DPP10: variants seen among roughly 807,000 people sequenced by gnomAD.
DPP10 encodes dipeptidyl peptidase like 10, also known as inactive dipeptidyl peptidase 10.
DPP10 carries 33 observed loss-of-function variants against 120.9 expected under a neutral mutation model. The observed-to-expected ratio is 0.27, with a 90% CI of 0.21 to 0.37. DPP10 has a LOEUF of 0.37. Among genes scored for constraint, DPP10 ranks in the 10% least tolerant of loss-of-function variants. The probability of loss-of-function intolerance (pLI) is 1.00; values close to 1 mark genes in which losing one functional copy is unlikely to be tolerated. For synonymous variants in DPP10, 337 were observed against 326.1 expected (o/e 1.03, Z -0.36); for missense variants, 816 against 942.8 (o/e 0.87, Z 1.76).
chr2:114,689,853 A>G (rs1176031222), intron 1 of DPP10, among the ~76,000 whole-genome samples: 2 of 150,478 alleles, frequency 1.3e-5, no homozygotes, highest in East Asian at 3.9e-4. Context: ...TTTTTTTCAT[A>G]TGTTGGTTGG....
chr2:115,817,097 A>C (rs1239211092), intron 21 of DPP10, among the ~76,000 whole-genome samples: 1 of 151,508 alleles, frequency 6.6e-6, no homozygotes, highest in African/African-American at 2.4e-5. Flanking sequence ...AACTACTAAA[A>C]ATTACCCGGG....
intron 21 of DPP10, among the ~76,000 whole-genome samples, chr2:115,819,347 A>G (rs966418710): frequency 2.0e-5 from 3 of 152,186 alleles, no homozygotes; most frequent in African/African-American, 7.2e-5. Flanking sequence ...GCAATATATA[A>G]TATCCTCTTA....
At chr2:115,533,348 G>A (rs1043043883) in intron 5 of DPP10, among the ~76,000 whole-genome samples, 2 of 152,070 alleles carry the variant, frequency 1.3e-5, no homozygotes, top group Non-Finnish European at 2.9e-5. Context: ...TATGTTAGTA[G>A]TATCTGTCCT....
chr2:115,456,256 T>G (rs1187248623), intron 3 of DPP10, among the ~76,000 whole-genome samples: 2 of 152,034 alleles, frequency 1.3e-5, no homozygotes, highest in African/African-American at 4.8e-5. Flanking sequence ...AAAACCACAA[T>G]TATATATCAT....
intron 1 of DPP10, among the ~76,000 whole-genome samples, chr2:114,953,818 T>G (rs2104661547): frequency 6.6e-6 from 1 of 152,296 alleles, no homozygotes; most frequent in African/African-American, 2.4e-5. Flanking sequence ...GTTTTGTTTG[T>G]TATTTATTAT....
At chr2:115,277,585 G>A (rs543527932) in intron 1 of DPP10, among the ~76,000 whole-genome samples, 1 of 147,212 alleles carries the variant, frequency 6.8e-6, no homozygotes, top group Non-Finnish European at 1.5e-5. Flanking sequence ...ACCTCTCCTT[G>A]AATACATATG....
intron 1 of DPP10, among the ~76,000 whole-genome samples, chr2:114,773,390 ACGGAC>A (rs1360588426): frequency 8.7e-5 from 13 of 148,922 alleles, no homozygotes; most frequent in South Asian, 6.6e-4. Flanking sequence ...AACACTCATC[ACGGAC>A]TTTTAGTTTA....
intron 5 of DPP10, among the ~76,000 whole-genome samples, chr2:115,603,495 G>C (rs11889861): frequency 1.3e-5 from 2 of 150,186 alleles, no homozygotes; most frequent in African/African-American, 4.9e-5. Context: ...CTGGTGTAAC[G>C]TTTGGGCATA....
chr2:114,547,010 T>C (rs993917355), intron 1 of DPP10, among the ~76,000 whole-genome samples: 3 of 152,184 alleles, frequency 2.0e-5, no homozygotes, highest in African/African-American at 7.2e-5. Flanking sequence ...GGTAAAAGCA[T>C]GGATTTTAGA....
intron 3 of DPP10, among the ~76,000 whole-genome samples, chr2:115,351,491 C>G (rs889127166): frequency 6.6e-6 from 1 of 151,866 alleles, no homozygotes; most frequent in African/African-American, 2.4e-5. Context: ...TACCTTGTAA[C>G]AAATCCACAC....
At chr2:115,557,962 G>T (rs2149033557) in intron 5 of DPP10, among the ~76,000 whole-genome samples, 1 of 152,300 alleles carries the variant, frequency 6.6e-6, no homozygotes, top group South Asian at 2.1e-4. Flanking sequence ...GGACTTACAT[G>T]TTAAAGGTGT....
intron 1 of DPP10, among the ~76,000 whole-genome samples, chr2:115,263,965 A>T (rs955093558): frequency 3.3e-5 from 5 of 152,178 alleles, no homozygotes; most frequent in African/African-American, 7.2e-5. Flanking sequence ...GTTATAAGTT[A>T]TATCTGAAAT....
chr2:114,478,571 G>A (rs1228351281), intron 1 of DPP10, among the ~76,000 whole-genome samples: 1 of 151,846 alleles, frequency 6.6e-6, no homozygotes, highest in Non-Finnish European at 1.5e-5. Context: ...TTGCTACAAG[G>A]AAAAAATAAA....
chr2:114,798,762 C>G (rs1683929687), intron 1 of DPP10, among the ~76,000 whole-genome samples: 6 of 152,142 alleles, frequency 3.9e-5, no homozygotes, highest in Admixed American at 3.3e-4. Flanking sequence ...CGAAATTCAT[C>G]TTACTGGAAA....
intron 1 of DPP10, among the ~76,000 whole-genome samples, chr2:115,136,806 AATATTTAAAATC>A (rs2050674926): frequency 6.6e-6 from 1 of 152,234 alleles, no homozygotes; most frequent in South Asian, 2.1e-4. Flanking sequence ...CCCAAGTCAT[AATATTTAAAATC>A]CCTAGTGTAA....
chr2:114,603,301 G>A (rs1386299105), intron 1 of DPP10, among the ~76,000 whole-genome samples: 1 of 152,054 alleles, frequency 6.6e-6, no homozygotes, highest in Non-Finnish European at 1.5e-5. Flanking sequence ...TTGGAAGTGA[G>A]AATGATATGA....
At chr2:115,191,568 T>C (rs1175531006) in intron 1 of DPP10, among the ~76,000 whole-genome samples, 2 of 152,184 alleles carry the variant, frequency 1.3e-5, no homozygotes, top group Non-Finnish European at 2.9e-5. Flanking sequence ...ATAGAATAGA[T>C]GAAAGAGAGT....
intron 1 of DPP10, among the ~76,000 whole-genome samples, chr2:114,664,646 AAAGAAAG>A (rs1697762632): frequency 6.6e-6 from 1 of 151,334 alleles, no homozygotes; most frequent in Non-Finnish European, 1.5e-5. Context: ...AAAAAAAAAA[AAAGAAAG>A]AAAGAAATTC....
intron 1 of DPP10, among the ~76,000 whole-genome samples, chr2:115,058,624 T>C (rs1157563012): frequency 6.6e-6 from 1 of 152,176 alleles, no homozygotes; most frequent in Non-Finnish European, 1.5e-5. Flanking sequence ...GGTCTTGAAC[T>C]CCTGACCTCA....
Sources: allele counts gnomAD v4.1 joint callset (sites outside exome capture counted in the v4.1 genomes callset), GRCh38; gene constraint gnomAD v4.1.1; transcripts MANE v1.5; gene names NCBI Gene and HGNC (gene_info 2026-07-23, HGNC 2026-07-21).